ACBD5: variants seen among roughly 807,000 people sequenced by gnomAD.
The protein encoded by ACBD5 is acyl-CoA-binding domain-containing protein 5.
Under a neutral mutation model 71.8 loss-of-function variants are expected in ACBD5, and 40 were observed. That is an observed-to-expected ratio of 0.56 (90% confidence interval 0.43 to 0.72). ACBD5 has a LOEUF of 0.72. Among genes scored for constraint, ACBD5 ranks in the 30% least tolerant of loss-of-function variants. The pLI, the probability that ACBD5 is intolerant of heterozygous loss-of-function variation, is 0.00. For missense variants in ACBD5, 559 were observed against 644.5 expected (o/e 0.87, Z 1.44); for synonymous variants, 229 against 218.6 (o/e 1.05, Z -0.42).
intron 5 of ACBD5, among the ~76,000 whole-genome samples, chr10:27,222,759 C>T (rs7074378): frequency 0.097 from 14,738 of 151,894 alleles, 2,326 homozygotes; most frequent in African/African-American, 0.33. Context: ...TTTGTAGAGA[C>T]GGGGTTTCAC....
At position 27,196,468 on chromosome 10, in the gene ACBD5, T is replaced by C. The variant is rs149306095; in HGVS notation, c.*962A>G. Reference sequence around the variant, plus strand: ...TGTGAAGTAGGTGTATCTAAAATAGTATACCCCGAAGGAAAAACTGAGGCA... The same window carrying C: ...TGTGAAGTAGGTGTATCTAAAATAGCATACCCCGAAGGAAAAACTGAGGCA... On this transcript the variant is annotated 3_prime_UTR_variant, in exon 13 of 13. Coordinates refer to ENST00000396271, the MANE Select transcript of ACBD5 (RefSeq NM_145698.5). 427 of 454,470 alleles carry C rather than the reference T, an allele frequency of 9.4e-4. 6 individuals carry two copies. Among genetic ancestry groups the C allele is most frequent in the African/African-American group, 7.7e-3 (385 of 50,106 alleles). 28.2% of individuals were successfully genotyped at this position (454,470 alleles called of 1,614,324 possible). A position where few individuals can be genotyped will look rare whatever the true frequency, so the allele number is the denominator to read the frequency against.
downstream of ACBD5, among the ~76,000 whole-genome samples, chr10:27,194,708 C>A (rs1164294584): frequency 1.3e-5 from 2 of 149,108 alleles, no homozygotes; most frequent in African/African-American, 4.9e-5. Context: ...GGTGTAAGAA[C>A]TGAAACCGGC....
At position 27,196,916 on chromosome 10, in the gene ACBD5, T is replaced by C. The variant is rs773806609; in HGVS notation, c.*514A>G. ...CAGCCCACAAAGTGAATATGACCAT[T>C]CTTCCTGTGGTTTTCTACTACATGC... On this transcript the variant is annotated 3_prime_UTR_variant, in exon 13 of 13. Coordinates refer to ENST00000396271, the MANE Select transcript of ACBD5 (RefSeq NM_145698.5). The C allele has an allele frequency of 4.4e-6, 2 of 454,168 alleles. No individual in the cohort carries two copies. Among genetic ancestry groups the C allele is most frequent in the South Asian group, 1.6e-5 (1 of 64,476 alleles). 28.1% of individuals were successfully genotyped at this position (454,168 alleles called of 1,614,324 possible). A position where few individuals can be genotyped will look rare whatever the true frequency, so the allele number is the denominator to read the frequency against.
chr10:27,197,486 C>A, intron 12 of ACBD5, 44 bp from the exon 13 acceptor site: 1 of 1,425,834 alleles, frequency 7.0e-7, no homozygotes, highest in Non-Finnish European at 9.8e-7. Flanking sequence ...AGTATGAATG[C>A]AAATAATTCT....
At chr10:27,197,588 C>A in intron 12 of ACBD5, 146 bp from the exon 13 acceptor site, 1 of 657,472 alleles carries the variant, frequency 1.5e-6, no homozygotes, top group Non-Finnish European at 2.7e-6. Flanking sequence ...ATATGACTTG[C>A]AGCCTGATAG....
At chr10:27,206,177 T>C (rs2060449817) in intron 10 of ACBD5, among the ~76,000 whole-genome samples, 1 of 151,976 alleles carries the variant, frequency 6.6e-6, no homozygotes, top group South Asian at 2.1e-4. Flanking sequence ...GCTGAGATTA[T>C]AGGTGTGAGC....
rs1033496743 is a variant in ACBD5 at position 27,196,089 on chromosome 10, C to T, written c.*1341G>A. ...TGGTGGTGCATGCCTGTAATCCCAG[C>T]TACTTGGGAGTGAGGCAGGAGAATC... On this transcript the variant is annotated 3_prime_UTR_variant, in exon 13 of 13. Transcript: ENST00000396271. The T allele has an allele frequency of 6.8e-6, 3 of 440,196 alleles. No individual in the cohort carries two copies. The highest frequency in any genetic ancestry group is 4.1e-5 in the African/African-American group (2 of 49,060). 27.3% of individuals were successfully genotyped at this position (440,196 alleles called of 1,614,324 possible). A position where few individuals can be genotyped will look rare whatever the true frequency, so the allele number is the denominator to read the frequency against.
rs1290910507 is a variant in ACBD5 at position 27,240,419 on chromosome 10, G to T, written c.81C>A (p.Asp27Glu). 6.2e-7 allele frequency: 1 copy of T among 1,614,102 alleles called. No individual in the cohort carries two copies. The highest frequency in any genetic ancestry group is 2.2e-5 in the East Asian group (1 of 44,858). The change falls in exon 2 of 13, where the codon GAC becomes GAA. Residue 27 changes from aspartate to glutamate, a missense_variant. Asp to Glu is a conservative substitution (Grantham distance 45, BLOSUM62 2). Transcript: ENST00000396271. The surrounding 1 kb of genome is among the most constrained non-coding windows in gnomAD (Gnocchi z 4.1). Reference protein sequence around the residue: ...CCLIPADRPWDRGQHWQLEMA... With the variant: ...CCLIPADRPWERGQHWQLEMA... ...TCTCCAGCTGCCAGTGTTGGCCCCG[G>T]TCCCAAGGTCTGTCGGCGGGAATCA...
chr10:27,213,480 G>C (rs2061319872), intron 8 of ACBD5, among the ~76,000 whole-genome samples: 1 of 152,104 alleles, frequency 6.6e-6, no homozygotes. Flanking sequence ...CAAACAAGCC[G>C]GGCGTGGTGG....
At chr10:27,184,191 T>C (rs76052212) in intron 13 of ACBD5, among the ~76,000 whole-genome samples, 8,496 of 152,224 alleles carry the variant, frequency 0.056, 479 homozygotes, top group African/African-American at 0.15. Flanking sequence ...CATAATGTCA[T>C]GTAGTGGTAA....
chr10:27,205,056 G>A, intron 11 of ACBD5, 142 bp downstream of exon 11: 2 of 717,286 alleles, frequency 2.8e-6, no homozygotes, highest in Non-Finnish European at 4.6e-6. Flanking sequence ...GAACCCAGGA[G>A]GCAGAGCTTG....
chr10:27,208,467 A>C (rs1374575698), intron 9 of ACBD5, 22 bp from the exon 10 acceptor site: 3 of 1,610,456 alleles, frequency 1.9e-6, no homozygotes, highest in Non-Finnish European at 2.5e-6. Flanking sequence ...GGCAAAAATA[A>C]GCTTGTTTTA....
Position 27,226,442 on chromosome 10 carries a change from T to TACTAC in ACBD5, c.376-2991_376-2990insGTAGT, listed in dbSNP as rs1414706334. 1.1e-3 allele frequency among the ~76,000 whole-genome samples: 128 copies of TACTAC among 116,084 alleles called. 1 individual carries two copies. Among genetic ancestry groups the TACTAC allele is most frequent in the Middle Eastern group, 4.5e-3 (1 of 222 alleles). 76.2% of individuals were successfully genotyped at this position (116,084 alleles called of 152,430 possible). On this transcript the variant is annotated intron_variant, in intron 4 of 12. Coordinates refer to ENST00000396271, the MANE Select transcript of ACBD5 (RefSeq NM_145698.5). Reference sequence around the variant, plus strand: ...ATGGTGCACATGTACACACATGAGATACAGACTACACACACACACACACAC... The same window carrying TACTAC: ...ATGGTGCACATGTACACACATGAGATACTACACAGACTACACACACACACACACAC...
intron 8 of ACBD5, among the ~76,000 whole-genome samples, chr10:27,214,180 A>T (rs1431399849): frequency 6.6e-6 from 1 of 152,160 alleles, no homozygotes; most frequent in East Asian, 1.9e-4. Context: ...AGCACAGCAG[A>T]GTGGCTATAG....
chr10:27,185,498 TG>T (rs2058650210), intron 13 of ACBD5, among the ~76,000 whole-genome samples: 1 of 150,102 alleles, frequency 6.7e-6, no homozygotes. Context: ...CCAGGCTTGG[TG>T]GTACACATCT....
chr10:27,214,487 G>A (rs963125896), intron 8 of ACBD5, among the ~76,000 whole-genome samples: 1 of 151,912 alleles, frequency 6.6e-6, no homozygotes. Flanking sequence ...GATTACAGGT[G>A]TGAGCCACTG....
intron 3 of ACBD5, among the ~76,000 whole-genome samples, chr10:27,232,951 C>A (rs1342405494): frequency 6.6e-6 from 1 of 152,000 alleles, no homozygotes; most frequent in East Asian, 1.9e-4. Context: ...TTTAATACTA[C>A]TAAAATTAAG....
intron 11 of ACBD5, among the ~76,000 whole-genome samples, chr10:27,204,923 C>T (rs759201712): frequency 5.9e-5 from 9 of 152,018 alleles, no homozygotes; most frequent in African/African-American, 9.7e-5. Flanking sequence ...GTCAGGAGAT[C>T]GAGACCATCT....
At chr10:27,211,227 C>T (rs2061043385) in intron 8 of ACBD5, 146 bp from the exon 9 acceptor site, 1 of 855,758 alleles carries the variant, frequency 1.2e-6, no homozygotes. Flanking sequence ...AAAATGTCTT[C>T]AATTCATATG....
Sources: allele counts gnomAD v4.1 joint callset (sites outside exome capture counted in the v4.1 genomes callset), GRCh38; gene constraint gnomAD v4.1.1; non-coding constraint Gnocchi (gnomAD v3.1); transcripts MANE v1.5; gene names NCBI Gene and HGNC (gene_info 2026-07-23, HGNC 2026-07-21).